Variants in SUMO2 observed in about 807,000 individuals in gnomAD.
SUMO2 encodes the protein small ubiquitin like modifier 2, also known as small ubiquitin-related modifier 2.
SUMO2 carries 1 observed loss-of-function variant against 16.0 expected under a neutral mutation model. The ratio of observed to expected loss-of-function variants is 0.06; its 90% CI spans 0.02 to 0.30. SUMO2 has a LOEUF of 0.30. Ranked by LOEUF, SUMO2 falls within the 10% of genes least tolerant of loss-of-function variation. The probability of loss-of-function intolerance (pLI) is 1.00; values close to 1 mark genes in which losing one functional copy is unlikely to be tolerated. For synonymous variants in SUMO2, 36 were observed against 40.6 expected (o/e 0.89, Z 0.43); for missense variants, 16 against 117.5 (o/e 0.14, Z 3.99).
chr17:75,168,979 G>A (rs2074713901), intron 3 of SUMO2, among the ~76,000 whole-genome samples: 1 of 151,532 alleles, frequency 6.6e-6, no homozygotes, highest in Admixed American at 6.6e-5. Context: ...CAGTACTACT[G>A]GAGGCCAACA....
chr17:75,177,414 C>G (rs916469058), intron 2 of SUMO2, among the ~76,000 whole-genome samples: 5 of 151,936 alleles, frequency 3.3e-5, no homozygotes, highest in Non-Finnish European at 7.4e-5. Context: ...TGCAGTGGCT[C>G]ACGCCTATAA....
intron 3 of SUMO2, among the ~76,000 whole-genome samples, chr17:75,169,834 G>C (rs2074722050): frequency 8.0e-6 from 1 of 124,712 alleles, no homozygotes; most frequent in Non-Finnish European, 1.6e-5. Context: ...CGGTGACAGA[G>C]TGAGACTTGG....
intron 2 of SUMO2, among the ~76,000 whole-genome samples, chr17:75,179,079 T>A (rs2074806558): frequency 6.6e-6 from 1 of 152,194 alleles, no homozygotes; most frequent in Non-Finnish European, 1.5e-5. Flanking sequence ...TATGCAGTTT[T>A]GCTAAAGAAG....
intron 1 of SUMO2, chr17:75,182,425 G>T (rs1222698858): frequency 1.2e-5 from 2 of 161,362 alleles, no homozygotes; most frequent in Non-Finnish European, 2.7e-5. Flanking sequence ...CGCCGCCTCG[G>T]AGACTGCAAC....
intron 3 of SUMO2, among the ~76,000 whole-genome samples, chr17:75,169,161 G>C (rs2074715655): frequency 6.6e-6 from 1 of 151,582 alleles, no homozygotes; most frequent in South Asian, 2.1e-4. Context: ...GAGCCCATAA[G>C]ATCAAGGCTG....
chr17:75,179,643 C>T (rs1416064071), intron 2 of SUMO2, among the ~76,000 whole-genome samples: 1 of 150,416 alleles, frequency 6.6e-6, no homozygotes, highest in Non-Finnish European at 1.5e-5. Flanking sequence ...CATAAAAATA[C>T]TTCAAACATT....
chr17:75,174,299 G>C (rs2074764797), intron 3 of SUMO2, among the ~76,000 whole-genome samples: 1 of 152,202 alleles, frequency 6.6e-6, no homozygotes, highest in African/African-American at 2.4e-5. Context: ...GCTGAGGCAG[G>C]AGAATTGCTT....
chr17:75,169,246 A>G (rs2145215231), intron 3 of SUMO2, among the ~76,000 whole-genome samples: 1 of 152,096 alleles, frequency 6.6e-6, no homozygotes, highest in East Asian at 1.9e-4. Flanking sequence ...AAAAAGAGAA[A>G]AAAAGGCTAG....
intron 3 of SUMO2, among the ~76,000 whole-genome samples, chr17:75,173,476 CATT>C (rs1271917323): frequency 3.5e-5 from 5 of 141,084 alleles, no homozygotes; most frequent in Non-Finnish European, 7.8e-5. Context: ...GACTGGAAGT[CATT>C]TTTTTTTTTT....
rs1384726658 is a variant in SUMO2, at chr17:75,180,394, A to T, written c.153+663T>A. ...GAAATAGAGTGAGACTCCCAGCTTA[A>T]AAAAAAAAAAAAAAAAAAAAAAAAA... On this transcript the variant is annotated intron_variant, in intron 2 of 3. Transcript: ENST00000420826. Among the ~76,000 whole-genome samples the T allele has an allele frequency of 3.9e-3, 393 of 100,996 alleles. 2 individuals are homozygous for T. The highest frequency in any genetic ancestry group is 0.03 in the African/African-American group (371 of 12,330). The allele number at this position is 100,996 out of a possible 152,430, so 66.3% of individuals were successfully genotyped here.
intron 2 of SUMO2, among the ~76,000 whole-genome samples, chr17:75,177,988 C>CAAAAAAAAAAAAAAA (rs59613076): frequency 3.0e-5 from 2 of 66,416 alleles, no homozygotes; most frequent in African/African-American, 1.4e-4. Flanking sequence ...GACTCCGTCT[C>CAAAAAAAAAAAAAAA]AAAAAAAAAA....
rs762635933 is a variant in SUMO2 at position 75,182,846 on chromosome 17, G to C, written c.-12C>G. 1.1e-5 allele frequency: 15 copies of C among 1,411,266 alleles called. No individual in the cohort carries two copies. The highest frequency in any genetic ancestry group is 2.8e-5 in the East Asian group (1 of 35,440). 87.4% of individuals were successfully genotyped at this position (1,411,266 alleles called of 1,614,324 possible). A position where few individuals can be genotyped will look rare whatever the true frequency, so the allele number is the denominator to read the frequency against. Reference sequence around the variant, plus strand: ...TTTTCGTCGGCCATGGCGAGCGCCGGAGTCTCCTCAGCTGCCGCTTCACAA... The same window carrying C: ...TTTTCGTCGGCCATGGCGAGCGCCGCAGTCTCCTCAGCTGCCGCTTCACAA... On this transcript the variant is annotated 5_prime_UTR_variant, in exon 1 of 4. Transcript: ENST00000420826.
At chr17:75,181,904 A>G (rs957565792) in intron 1 of SUMO2, among the ~76,000 whole-genome samples, 1 of 108,052 alleles carries the variant, frequency 9.3e-6, no homozygotes, top group Non-Finnish European at 2.5e-5. Context: ...GACCCAACCT[A>G]AAGTTGTCCA....
intron 3 of SUMO2, 53 bp from the exon 4 acceptor site, chr17:75,168,454 A>C: frequency 6.6e-7 from 1 of 1,523,278 alleles, no homozygotes; most frequent in African/African-American, 1.4e-5. Flanking sequence ...TCTGAAAATT[A>C]ATGATTTTTG....
intron 2 of SUMO2, 49 bp from the exon 3 acceptor site, chr17:75,174,872 C>T: frequency 6.6e-7 from 1 of 1,523,682 alleles, no homozygotes; most frequent in Non-Finnish European, 9.0e-7. Context: ...AAACAGAATT[C>T]TATTTACATA....
chr17:75,177,885 A>G (rs1403265342), intron 2 of SUMO2, among the ~76,000 whole-genome samples: 2 of 147,798 alleles, frequency 1.4e-5, no homozygotes, highest in Non-Finnish European at 3.0e-5. Flanking sequence ...CCTACTCAGG[A>G]GGCTGAGGCA....
At chr17:75,169,066 AG>A (rs2074714695) in intron 3 of SUMO2, among the ~76,000 whole-genome samples, 6 of 150,770 alleles carry the variant, frequency 4.0e-5, no homozygotes, top group Admixed American at 4.0e-4. Context: ...AAAAAAAAAA[AG>A]GAAAAAAAAA....
chr17:75,168,086 C>T lies in SUMO2; in HGVS notation c.*253G>A, dbSNP rs1310227577. Reference sequence around the variant, plus strand: ...ACAGAATCAGTATTTTTCCCCATCCCGTCTCCACTTGATGTCAATCAAAAC... The same window carrying T: ...ACAGAATCAGTATTTTTCCCCATCCTGTCTCCACTTGATGTCAATCAAAAC... On this transcript the variant is annotated 3_prime_UTR_variant, in exon 4 of 4. Transcript: ENST00000420826. 6 of 333,196 alleles carry T rather than the reference C, an allele frequency of 1.8e-5. No homozygotes were observed. Among genetic ancestry groups the T allele is most frequent in the East Asian group, 1.4e-4 (3 of 21,050 alleles). The allele number at this position is 333,196 out of a possible 1,614,324, so 20.6% of individuals were successfully genotyped here.
At position 75,182,698 on chromosome 17, in the gene SUMO2, G is replaced by A. The variant is rs1342597147; in HGVS notation, c.21+116C>T. 1.5e-5 allele frequency: 13 copies of A among 885,556 alleles called. No homozygotes were observed. In the South Asian group the frequency reaches 1.7e-4, roughly 11 times the overall value. 54.9% of individuals were successfully genotyped at this position (885,556 alleles called of 1,614,324 possible). On this transcript the variant is annotated intron_variant, in intron 1 of 3. Coordinates refer to ENST00000420826, the MANE Select transcript of SUMO2 (RefSeq NM_006937.4). ...GAGCGCCCGGGCCTGAGCCGCGGCC[G>A]GCCCCGTGGGGGGCCCGGGAAAGCG... is the stretch of plus-strand genomic sequence containing the variant.
Sources: gnomAD v4.1 joint callset for allele counts (sites outside exome capture counted in the v4.1 genomes callset) on GRCh38, gnomAD v4.1.1 for gene constraint, MANE v1.5 for transcripts, NCBI Gene and HGNC (gene_info 2026-07-23, HGNC 2026-07-21) for gene names.